The following DENND5A variants were observed in gnomAD, a reference collection of about 807,000 sequenced individuals.
The protein encoded by DENND5A is DENN domain containing 5A, also known as DENN domain-containing protein 5A.
Under a neutral mutation model 140.3 loss-of-function variants are expected in DENND5A, and 64 were observed. The ratio of observed to expected loss-of-function variants is 0.46; its 90% CI spans 0.37 to 0.56. The LOEUF is 0.56. Among genes scored for constraint, DENND5A ranks in the 20% least tolerant of loss-of-function variants. The pLI is 0.00. For synonymous variants in DENND5A, 605 were observed against 607.7 expected (o/e 1.00, Z 0.07); for missense variants, 1,292 against 1,593.8 (o/e 0.81, Z 3.22).
chr11:9,178,997 T>G lies in DENND5A; in HGVS notation c.1532A>C (p.Gln511Pro), dbSNP rs555120596. 6.2e-7 allele frequency: 1 copy of G among 1,614,190 alleles called. No homozygotes were observed. The highest frequency in any genetic ancestry group is 8.5e-7 in the Non-Finnish European group (1 of 1,180,018). ...QCDEEELRIY[Q>P]LNIQIREVFA... The stretch of plus-strand genomic sequence containing the variant: ...AACTTCCCGGATCTGAATGTTTAGC[T>G]GGTAAATCCTGAGTTCTTCTTCATC... The change falls in exon 7 of 23, where the codon CAG (glutamine) becomes CCG (proline). Residue 511 changes from glutamine to proline, a missense_variant. By Grantham distance (76) the Gln-to-Pro change is moderately conservative (BLOSUM62 -1). This residue lies in a region of DENND5A where 566 missense variants were observed against 650.4 expected (regional missense o/e 0.87). Transcript: ENST00000328194.
At chr11:9,165,763 G>C in intron 11 of DENND5A, 73 bp downstream of exon 11, 1 of 1,558,730 alleles carries the variant, frequency 6.4e-7, no homozygotes, top group Non-Finnish European at 8.8e-7. Flanking sequence ...AGAGGGAGTG[G>C]TCAGAGCCAA....
chr11:9,245,823 G>T (rs955656312), intron 1 of DENND5A, among the ~76,000 whole-genome samples: 1 of 151,828 alleles, frequency 6.6e-6, no homozygotes, highest in Non-Finnish European at 1.5e-5. Context: ...TAGTAGAGAC[G>T]GGGTTTTACC....
chr11:9,240,398 AAAAC>A (rs1195015612), intron 1 of DENND5A, among the ~76,000 whole-genome samples: 5 of 152,186 alleles, frequency 3.3e-5, no homozygotes, highest in Non-Finnish European at 4.4e-5. Context: ...CTCCGTCTCA[AAAAC>A]AAACAAACAA....
chr11:9,176,190 G>C (rs574757853), intron 8 of DENND5A, among the ~76,000 whole-genome samples: 1 of 152,186 alleles, frequency 6.6e-6, no homozygotes, highest in Non-Finnish European at 1.5e-5. Flanking sequence ...ACTAGAAAAT[G>C]TAAGACTTTG....
Position 9,138,930 on chromosome 11 carries a change from TTTTCC to T in DENND5A, c.*736_*740del, listed in dbSNP as rs929472601. The T allele has an allele frequency of 1.4e-4, 22 of 152,236 alleles. No homozygotes were observed. Among genetic ancestry groups the T allele is most frequent in the African/African-American group, 5.3e-4 (22 of 41,416 alleles). 9.4% of individuals were successfully genotyped at this position (152,236 alleles called of 1,614,324 possible). ...CATAGCCAGTTAGATTGTGACAAGC[TTTTCC>T]TTTCCTTAAAAAAAGAAAATACTTA... On this transcript the variant is annotated 3_prime_UTR_variant, in exon 23 of 23. Coordinates refer to ENST00000328194, the MANE Select transcript of DENND5A (RefSeq NM_015213.4).
intron 1 of DENND5A, among the ~76,000 whole-genome samples, chr11:9,224,430 G>C (rs1048138460): frequency 3.9e-5 from 6 of 152,016 alleles, no homozygotes; most frequent in East Asian, 1.9e-4. Context: ...CTAATACATT[G>C]ATTCACTTGA....
chr11:9,160,907 C>A (rs759665835), intron 11 of DENND5A, 42 bp from the exon 12 acceptor site: 1 of 1,601,526 alleles, frequency 6.2e-7, no homozygotes, highest in South Asian at 1.1e-5. Flanking sequence ...CCACAGTGAG[C>A]AGGATTACAT....
At chr11:9,141,613 C>T (rs1297514790) in intron 22 of DENND5A, among the ~76,000 whole-genome samples, 3 of 152,170 alleles carry the variant, frequency 2.0e-5, no homozygotes, top group African/African-American at 4.8e-5. Flanking sequence ...GTGCTGAATA[C>T]CGTAGGCAAC....
intron 18 of DENND5A, among the ~76,000 whole-genome samples, chr11:9,144,793 A>T (rs1379510999): frequency 1.3e-5 from 2 of 151,870 alleles, no homozygotes; most frequent in African/African-American, 4.8e-5. Context: ...CGTCTCAAAA[A>T]AAAAAAAAAG....
chr11:9,261,710 G>A (rs933076460), intron 1 of DENND5A, among the ~76,000 whole-genome samples: 4 of 148,506 alleles, frequency 2.7e-5, no homozygotes, highest in Admixed American at 7.0e-5. Flanking sequence ...CCTGGGAGAC[G>A]GAGGTTTCAG....
intron 1 of DENND5A, among the ~76,000 whole-genome samples, chr11:9,214,960 G>C (rs1275043110): frequency 1.3e-5 from 2 of 152,048 alleles, no homozygotes; most frequent in African/African-American, 4.8e-5. Flanking sequence ...CTGACCTTAA[G>C]TGGTCCATTG....
chr11:9,178,839 C>A lies in DENND5A; in HGVS notation c.1671+19G>T, dbSNP rs1414127345. On this transcript the variant is annotated intron_variant, in intron 7 of 22. Transcript: ENST00000328194. ...CAAGTTCTCATTCCTCACCACCTCC[C>A]AAGCAGGATTACACTCACTTTATCA... 2 of 1,602,718 alleles carry A rather than the reference C, an allele frequency of 1.2e-6. No homozygotes were observed. The highest frequency in any genetic ancestry group is 1.7e-4 in the Middle Eastern group (1 of 6,042).
intron 1 of DENND5A, among the ~76,000 whole-genome samples, chr11:9,238,023 A>C (rs1827991662): frequency 6.6e-6 from 1 of 152,246 alleles, no homozygotes; most frequent in Non-Finnish European, 1.5e-5. Flanking sequence ...CGGGTCCACC[A>C]GAAAGATCTT....
chr11:9,158,523 G>A (rs1393396808), intron 12 of DENND5A, among the ~76,000 whole-genome samples: 1 of 151,834 alleles, frequency 6.6e-6, no homozygotes, highest in Non-Finnish European at 1.5e-5. Flanking sequence ...ACTCCAGCCT[G>A]GGCAACAAAG....
chr11:9,217,629 T>C lies in DENND5A; in HGVS notation c.110-9997A>G, dbSNP rs545557692. Among the ~76,000 whole-genome samples, 3 of 152,324 alleles carry C rather than the reference T, an allele frequency of 2.0e-5. No individual in the cohort carries two copies. In the South Asian group the frequency reaches 6.2e-4, roughly 32 times the overall value. The stretch of plus-strand genomic sequence containing the variant: ...AGTGACTGCTAATTAGTACAAAGTT[T>C]CTTTTTAAAGTGATTAAAATATTCT... On this transcript the variant is annotated intron_variant, in intron 1 of 22. Transcript: ENST00000328194.
At chr11:9,144,853 G>GT (rs1381077373) in intron 18 of DENND5A, 142 bp downstream of exon 18, 2 of 671,204 alleles carry the variant, frequency 3.0e-6, no homozygotes, top group African/African-American at 3.6e-5. Context: ...ACTTTCAAGT[G>GT]TATGAGGCAG....
chr11:9,144,372 C>G (rs1847351219), intron 18 of DENND5A, 94 bp from the exon 19 acceptor site: 2 of 1,248,422 alleles, frequency 1.6e-6, no homozygotes, highest in South Asian at 2.5e-5. Context: ...GAGATAGGCT[C>G]TGAAACCAGG....
chr11:9,183,966 G>A (rs375613033), intron 5 of DENND5A, among the ~76,000 whole-genome samples: 7 of 149,964 alleles, frequency 4.7e-5, no homozygotes, highest in African/African-American at 9.8e-5. Flanking sequence ...CAGGAGAATC[G>A]CTTGAACCTG....
chr11:9,258,082 C>T (rs541670347), intron 1 of DENND5A, among the ~76,000 whole-genome samples: 13 of 152,214 alleles, frequency 8.5e-5, no homozygotes, highest in African/African-American at 2.9e-4. Context: ...CATGAGCCAC[C>T]GTACCCGGTC....
Sources: gnomAD v4.1 joint callset for allele counts (sites outside exome capture counted in the v4.1 genomes callset) on GRCh38, gnomAD v4.1.1 for gene constraint, gnomAD v4.1.1 regional missense constraint, MANE v1.5 for transcripts, NCBI Gene and HGNC (gene_info 2026-07-23, HGNC 2026-07-21) for gene names.